Variants in CHRM3 observed in about 807,000 individuals in gnomAD.
CHRM3 encodes the protein cholinergic receptor muscarinic 3.
Under a neutral mutation model 41.8 loss-of-function variants are expected in CHRM3, and 11 were observed. That is an observed-to-expected ratio of 0.26 (90% CI 0.17 to 0.44). CHRM3 has a LOEUF of 0.44. Ranked by LOEUF, CHRM3 falls within the 20% of genes least tolerant of loss-of-function variation. The pLI is 1.00. For synonymous variants in CHRM3, 297 were observed against 301.4 expected, an observed-to-expected ratio of 0.99 and a Z score of 0.15; for missense variants, 571 against 745.4, an observed-to-expected ratio of 0.77 and a Z score of 2.72.
intron 3 of CHRM3, among the ~76,000 whole-genome samples, chr1:239,547,926 A>G (rs1659451078): frequency 1.3e-5 from 2 of 152,176 alleles, no homozygotes; most frequent in Admixed American, 6.5e-5. Context: ...TATCAAATGA[A>G]TGTTTAATTT....
At chr1:239,709,167 C>G (rs1397391514) in intron 5 of CHRM3, among the ~76,000 whole-genome samples, 2 of 152,156 alleles carry the variant, frequency 1.3e-5, no homozygotes, top group Non-Finnish European at 2.9e-5. Flanking sequence ...CTATTTAGCA[C>G]CCAAAGTTTT....
At chr1:239,577,632 G>A (rs986166014) in intron 3 of CHRM3, among the ~76,000 whole-genome samples, 2 of 152,158 alleles carry the variant, frequency 1.3e-5, no homozygotes, top group African/African-American at 4.8e-5. Flanking sequence ...AATAATGGTG[G>A]CTGCAGAGTA....
chr1:239,825,263 G>C (rs1410076474), intron 5 of CHRM3, among the ~76,000 whole-genome samples: 1 of 152,032 alleles, frequency 6.6e-6, no homozygotes, highest in Non-Finnish European at 1.5e-5. Context: ...ATCTATTCTA[G>C]CCTAAAGAAC....
intron 5 of CHRM3, among the ~76,000 whole-genome samples, chr1:239,814,956 A>G (rs2149006273): frequency 1.3e-5 from 2 of 151,866 alleles, no homozygotes; most frequent in Middle Eastern, 6.8e-3. Context: ...TTATATTTTT[A>G]GTAGAGATGG....
chr1:239,408,521 CA>C (rs371319364), intron 1 of CHRM3, among the ~76,000 whole-genome samples: 146 of 61,262 alleles, frequency 2.4e-3, no homozygotes, highest in South Asian at 0.014. Flanking sequence ...GAGACTCCGT[CA>C]AAAAAAAAAA....
chr1:239,843,984 C>T (rs1002572480), intron 6 of CHRM3, among the ~76,000 whole-genome samples: 1 of 151,892 alleles, frequency 6.6e-6, no homozygotes, highest in African/African-American at 2.4e-5. Flanking sequence ...GTTATATATA[C>T]AGTTTGTTTT....
chr1:239,604,000 G>T (rs534537984), intron 3 of CHRM3, among the ~76,000 whole-genome samples: 1 of 152,150 alleles, frequency 6.6e-6, no homozygotes, highest in South Asian at 2.1e-4. Context: ...AACATGAAAT[G>T]CTCAGTAATA....
chr1:239,568,432 C>T (rs1188396703), intron 3 of CHRM3, among the ~76,000 whole-genome samples: 1 of 152,100 alleles, frequency 6.6e-6, no homozygotes, highest in East Asian at 1.9e-4. Context: ...GAAGACATGC[C>T]TTTCACCTTC....
chr1:239,563,109 C>G (rs1302329457), intron 3 of CHRM3, among the ~76,000 whole-genome samples: 1 of 151,568 alleles, frequency 6.6e-6, no homozygotes, highest in Non-Finnish European at 1.5e-5. Context: ...TTTATATTAT[C>G]CTCTAGAAAT....
intron 5 of CHRM3, among the ~76,000 whole-genome samples, chr1:239,709,664 C>T (rs891443048): frequency 1.3e-5 from 2 of 152,148 alleles, no homozygotes; most frequent in Non-Finnish European, 2.9e-5. Context: ...TTGTCACTAG[C>T]TGCTTTTGGA....
chr1:239,580,526 G>A (rs1316248587), intron 3 of CHRM3, among the ~76,000 whole-genome samples: 1 of 151,604 alleles, frequency 6.6e-6, no homozygotes, highest in African/African-American at 2.4e-5. Context: ...CCCAACAGAA[G>A]AAAGAACTGT....
At chr1:239,608,252 C>A (rs1271160521) in intron 3 of CHRM3, among the ~76,000 whole-genome samples, 6 of 152,162 alleles carry the variant, frequency 3.9e-5, no homozygotes, top group African/African-American at 1.4e-4. Context: ...GCTGAGATTT[C>A]TGAACAAGCG....
At chr1:239,823,721 A>G (rs1193911147) in intron 5 of CHRM3, among the ~76,000 whole-genome samples, 1 of 152,082 alleles carries the variant, frequency 6.6e-6, no homozygotes, top group Non-Finnish European at 1.5e-5. Flanking sequence ...GATTTTTCCA[A>G]TAGGAAAGGC....
intron 5 of CHRM3, among the ~76,000 whole-genome samples, chr1:239,801,341 T>A (rs1670198821): frequency 6.6e-6 from 1 of 152,206 alleles, no homozygotes; most frequent in Non-Finnish European, 1.5e-5. Context: ...CAGCCAGGGC[T>A]AGGACCACTG....
chr1:239,828,640 C>T (rs567445906), intron 6 of CHRM3, among the ~76,000 whole-genome samples: 5 of 152,112 alleles, frequency 3.3e-5, no homozygotes, highest in South Asian at 4.2e-4. Context: ...GGAGTATTCC[C>T]GGAACAGCAT....
chr1:239,838,650 G>A (rs1056245448), intron 6 of CHRM3, among the ~76,000 whole-genome samples: 1 of 152,210 alleles, frequency 6.6e-6, no homozygotes, highest in Admixed American at 6.5e-5. Flanking sequence ...TGGTCACAAA[G>A]CTGGTTAGTG....
At chr1:239,440,529 G>A (rs566583283) in intron 1 of CHRM3, among the ~76,000 whole-genome samples, 1 of 152,272 alleles carries the variant, frequency 6.6e-6, no homozygotes, top group South Asian at 2.1e-4. Flanking sequence ...TAGGCTGCTG[G>A]TCTTAGACAA....
At chr1:239,561,965 A>G (rs1361130672) in intron 3 of CHRM3, among the ~76,000 whole-genome samples, 1 of 151,998 alleles carries the variant, frequency 6.6e-6, no homozygotes, top group African/African-American at 2.4e-5. Flanking sequence ...CAAGATACCA[A>G]TTTTCTTTCC....
intron 5 of CHRM3, chr1:239,714,232 A>G (rs1028734299): frequency 6.6e-6 from 1 of 152,182 alleles, no homozygotes; most frequent in African/African-American, 2.4e-5. Flanking sequence ...GTGAACAAGA[A>G]TGGAGAGCCT....
Sources: allele counts gnomAD v4.1 joint callset (sites outside exome capture counted in the v4.1 genomes callset), GRCh38; gene constraint gnomAD v4.1.1; transcripts MANE v1.5; gene names NCBI Gene and HGNC (gene_info 2026-07-23, HGNC 2026-07-21).